The following ZNF385D variants were observed in gnomAD, a reference collection of about 807,000 sequenced individuals.
ZNF385D encodes the protein zinc finger protein 385D, also known as zinc finger protein 659.
Under a neutral mutation model 35.8 loss-of-function variants are expected in ZNF385D, and 15 were observed. The ratio of observed to expected loss-of-function variants is 0.42; its 90% confidence interval spans 0.28 to 0.64. ZNF385D has a LOEUF of 0.64. Among genes scored for constraint, ZNF385D ranks in the 30% least tolerant of loss-of-function variants. ZNF385D has a pLI of 0.23. For synonymous variants in ZNF385D, 212 were observed against 186.8 expected, an observed-to-expected ratio of 1.13 and a Z score of -1.10; for missense variants, 474 against 494.6, an observed-to-expected ratio of 0.96 and a Z score of 0.39.
chr3:21,863,760 T>A (rs1697183538), intron 3 of ZNF385D, among the ~76,000 whole-genome samples: 2 of 152,146 alleles, frequency 1.3e-5, no homozygotes, highest in South Asian at 4.1e-4. Flanking sequence ...AAGCTGGAAT[T>A]TTAAGGCAGG....
chr3:21,706,966 A>G (rs576423474), intron 1 of ZNF385D, among the ~76,000 whole-genome samples: 227 of 152,306 alleles, frequency 1.5e-3, no homozygotes, highest in Non-Finnish European at 2.4e-3. Context: ...ATCCCTCTGT[A>G]TGCGTAGATA....
At chr3:21,729,050 T>C (rs2068884627) in intron 1 of ZNF385D, among the ~76,000 whole-genome samples, 2 of 152,154 alleles carry the variant, frequency 1.3e-5, no homozygotes, top group Admixed American at 6.6e-5. Context: ...GTCTATGCTC[T>C]TAACTATTGT....
intron 3 of ZNF385D, among the ~76,000 whole-genome samples, chr3:21,809,571 C>A: frequency 6.6e-6 from 1 of 150,748 alleles, no homozygotes; most frequent in Non-Finnish European, 1.5e-5. Context: ...ACAACAAACC[C>A]TATAATCAAT....
intron 4 of ZNF385D, among the ~76,000 whole-genome samples, chr3:21,488,115 T>A (rs565272527): frequency 2.7e-4 from 41 of 151,644 alleles, no homozygotes; most frequent in African/African-American, 3.4e-4. Context: ...TTGGATATAT[T>A]TTTTTTTAAC....
intron 3 of ZNF385D, among the ~76,000 whole-genome samples, chr3:22,103,192 A>C (rs1361592673): frequency 6.9e-6 from 1 of 144,342 alleles, no homozygotes; most frequent in Non-Finnish European, 1.5e-5. Context: ...CTGCGAAAGG[A>C]CTCATTACTA....
At chr3:21,550,703 G>C (rs1340282800) in intron 3 of ZNF385D, among the ~76,000 whole-genome samples, 2 of 152,088 alleles carry the variant, frequency 1.3e-5, no homozygotes, top group East Asian at 3.9e-4. Context: ...GGCTGGTCTC[G>C]AATTCCTGAC....
intron 2 of ZNF385D, among the ~76,000 whole-genome samples, chr3:22,217,408 C>T (rs1271542606): frequency 6.6e-6 from 1 of 152,084 alleles, no homozygotes; most frequent in Non-Finnish European, 1.5e-5. Context: ...ATCTGTTGGC[C>T]TCATCATACC....
chr3:21,917,387 G>A (rs911903704), intron 3 of ZNF385D, among the ~76,000 whole-genome samples: 1 of 151,980 alleles, frequency 6.6e-6, no homozygotes, highest in Non-Finnish European at 1.5e-5. Flanking sequence ...AGCTGAGATC[G>A]GGCCATTGCA....
At chr3:21,458,786 G>A (rs374079625) in intron 4 of ZNF385D, among the ~76,000 whole-genome samples, 79 of 146,262 alleles carry the variant, frequency 5.4e-4, no homozygotes, top group African/African-American at 1.9e-3. Context: ...GGTAGTGAGG[G>A]GAGAGGGAGT....
intron 3 of ZNF385D, among the ~76,000 whole-genome samples, chr3:21,832,394 A>G (rs1695050154): frequency 6.6e-6 from 1 of 152,198 alleles, no homozygotes; most frequent in Admixed American, 6.5e-5. Context: ...TTAAACAAAT[A>G]ATTTGAAAAT....
intron 2 of ZNF385D, among the ~76,000 whole-genome samples, chr3:22,277,688 C>T (rs1701498654): frequency 6.6e-6 from 1 of 151,900 alleles, no homozygotes; most frequent in African/African-American, 2.4e-5. Flanking sequence ...ATGTTTTTTA[C>T]AATTATTAGA....
chr3:21,622,692 T>G (rs1297567814), intron 2 of ZNF385D, among the ~76,000 whole-genome samples: 1 of 152,098 alleles, frequency 6.6e-6, no homozygotes, highest in Non-Finnish European at 1.5e-5. Flanking sequence ...AGTCTTATTT[T>G]TAATTTATAT....
At chr3:21,507,049 G>A (rs1706820613) in intron 4 of ZNF385D, among the ~76,000 whole-genome samples, 1 of 151,972 alleles carries the variant, frequency 6.6e-6, no homozygotes, top group Non-Finnish European at 1.5e-5. Flanking sequence ...GTTACCCCAA[G>A]GCAGCAGATA....
intron 3 of ZNF385D, among the ~76,000 whole-genome samples, chr3:21,908,500 G>A (rs944558700): frequency 1.3e-5 from 2 of 152,076 alleles, no homozygotes; most frequent in East Asian, 1.9e-4. Flanking sequence ...TGTAGAGGGG[G>A]AGGCAGATTG....
chr3:21,772,423 T>G (rs550430287), intron 3 of ZNF385D, among the ~76,000 whole-genome samples: 1 of 151,874 alleles, frequency 6.6e-6, no homozygotes, highest in East Asian at 1.9e-4. Flanking sequence ...GACAAAGAAC[T>G]TGAATAAATA....
At chr3:21,976,721 G>T (rs971807987) in intron 3 of ZNF385D, among the ~76,000 whole-genome samples, 7 of 152,180 alleles carry the variant, frequency 4.6e-5, no homozygotes, top group Non-Finnish European at 8.8e-5. Flanking sequence ...CAGCTGGGCA[G>T]GTGTCTCACG....
chr3:22,328,356 T>A (rs1028681453), intron 2 of ZNF385D, among the ~76,000 whole-genome samples: 2 of 151,242 alleles, frequency 1.3e-5, no homozygotes, highest in Non-Finnish European at 2.9e-5. Context: ...TATAAAAAAT[T>A]TAACATAATT....
intron 3 of ZNF385D, among the ~76,000 whole-genome samples, chr3:21,551,929 G>GT (rs1417663489): frequency 1.3e-5 from 2 of 152,198 alleles, no homozygotes; most frequent in Admixed American, 6.5e-5. Flanking sequence ...ATATATAAAA[G>GT]TTTAGAGGGA....
intron 2 of ZNF385D, among the ~76,000 whole-genome samples, chr3:22,322,211 T>C (rs1694471216): frequency 6.6e-6 from 1 of 152,332 alleles, no homozygotes; most frequent in Non-Finnish European, 1.5e-5. Context: ...CTCTTCTTCA[T>C]CTTTTCCTAA....
Sources: gnomAD v4.1 joint callset for allele counts (sites outside exome capture counted in the v4.1 genomes callset) on GRCh38, gnomAD v4.1.1 for gene constraint, MANE v1.5 for transcripts, NCBI Gene and HGNC (gene_info 2026-07-23, HGNC 2026-07-21) for gene names.